IL12RB2: variants seen among roughly 807,000 people sequenced by gnomAD.
The protein encoded by IL12RB2 is interleukin-12 receptor subunit beta-2.
A neutral mutation model predicts 89.4 loss-of-function variants in IL12RB2; 82 were observed. That is an observed-to-expected ratio of 0.92 (90% CI 0.77 to 1.10). The LOEUF (loss-of-function observed/expected upper bound fraction) is 1.10. Ranked by LOEUF, IL12RB2 falls within the 50% of genes least tolerant of loss-of-function variation. The pLI is 0.00. For missense variants in IL12RB2, 963 were observed against 1,031.9 expected (o/e 0.93, Z 0.92); for synonymous variants, 368 against 370.1 (o/e 0.99, Z 0.07).
intron 10 of IL12RB2, 107 bp from the exon 11 acceptor site, chr1:67,367,718 C>G (rs1662860425): frequency 1.3e-6 from 1 of 769,602 alleles, no homozygotes; most frequent in South Asian, 1.4e-5. Context: ...TAAACAGATT[C>G]TTCCTAAAAC....
chr1:67,395,296 A>T (rs1475344611), intron 16 of IL12RB2, among the ~76,000 whole-genome samples: 1 of 151,678 alleles, frequency 6.6e-6, no homozygotes, highest in Non-Finnish European at 1.5e-5. Context: ...AAAGAAAGAA[A>T]CAGGTTGAAG....
intron 2 of IL12RB2, among the ~76,000 whole-genome samples, chr1:67,318,751 G>A (rs1656112823): frequency 6.6e-6 from 1 of 152,132 alleles, no homozygotes; most frequent in Admixed American, 6.6e-5. Context: ...CATCTAAGAG[G>A]TAATGCCAAG....
intron 3 of IL12RB2, 130 bp downstream of exon 3, chr1:67,320,574 G>A (rs756580920): frequency 3.9e-4 from 586 of 1,503,452 alleles, no homozygotes; most frequent in Non-Finnish European, 4.7e-4. Flanking sequence ...CATTTAAGTG[G>A]ATAAGTCTGG....
chr1:67,310,905 A>T (rs1388563560), intron 1 of IL12RB2, among the ~76,000 whole-genome samples: 1 of 151,998 alleles, frequency 6.6e-6, no homozygotes, highest in African/African-American at 2.4e-5. Context: ...TTGTATTTTT[A>T]GTACAGACGG....
chr1:67,372,803 G>T lies in IL12RB2; in HGVS notation c.1717+20G>T. Reference sequence around the variant, plus strand: ...TCTGTGGTATGTGTGAGAACCAAATGCAGTGAGTGGGGCCTTCTTGTTTGG... The same window carrying T: ...TCTGTGGTATGTGTGAGAACCAAATTCAGTGAGTGGGGCCTTCTTGTTTGG... On this transcript the variant is annotated intron_variant, in intron 13 of 16. Transcript: ENST00000674203. The T allele has an allele frequency of 6.4e-7, 1 of 1,554,774 alleles. No homozygotes were observed. Among genetic ancestry groups the T allele is most frequent in the Non-Finnish European group, 8.9e-7 (1 of 1,126,338 alleles).
In IL12RB2 at chr1:67,395,490, A is replaced by T. The variant is rs933208690; in HGVS notation, c.2047-57A>T. The stretch of plus-strand genomic sequence containing the variant: ...AGGCCTTTGGGAACCCTGGAGAAAT[A>T]GGTTGTGAAGGTCACTTCTACAGCA... On this transcript the variant is annotated intron_variant, in intron 16 of 16. Coordinates refer to ENST00000674203, the MANE Select transcript of IL12RB2 (RefSeq NM_001374259.2). The T allele has an allele frequency of 2.5e-6, 4 of 1,613,606 alleles. No individual in the cohort carries two copies. The Admixed American group carries it at 6.7e-5, about 27-fold the overall frequency.
Position 67,366,978 on chromosome 1 carries a change from C to T in IL12RB2, c.1259-847C>T, listed in dbSNP as rs147012312. Among the ~76,000 whole-genome samples, 627 of 152,176 alleles carry T rather than the reference C, an allele frequency of 4.1e-3. 9 individuals carry two copies. Among genetic ancestry groups the T allele is most frequent in the African/African-American group, 4.7e-3 (194 of 41,538 alleles). On this transcript the variant is annotated intron_variant, in intron 10 of 16. Transcript: ENST00000674203. ...ACATTTCATGAAAATTCAACACATA[C>T]GCACAAAATAACACTAAATTTCAAG...
chr1:67,314,194 A>G (rs1655458804), intron 2 of IL12RB2, among the ~76,000 whole-genome samples, 194 bp downstream of exon 2: 2 of 152,190 alleles, frequency 1.3e-5, no homozygotes, highest in South Asian at 2.1e-4. Flanking sequence ...AGTAGTTACT[A>G]GTAACTCGTG....
chr1:67,382,865 C>T (rs1664755526), intron 14 of IL12RB2, among the ~76,000 whole-genome samples: 1 of 152,220 alleles, frequency 6.6e-6, no homozygotes, highest in Admixed American at 6.5e-5. Flanking sequence ...GCCACCATGC[C>T]CAGCTAATCA....
intron 13 of IL12RB2, among the ~76,000 whole-genome samples, chr1:67,373,151 C>T (rs1570118338): frequency 6.6e-6 from 1 of 152,186 alleles, no homozygotes; most frequent in African/African-American, 2.4e-5. Context: ...CTCTGTTGCC[C>T]AGGCTGAGTG....
chr1:67,340,679 T>C (rs1318627398), intron 9 of IL12RB2, among the ~76,000 whole-genome samples: 2 of 152,238 alleles, frequency 1.3e-5, no homozygotes, highest in Non-Finnish European at 2.9e-5. Flanking sequence ...CTGCGTGCTT[T>C]TCACTGTAAC....
intron 10 of IL12RB2, among the ~76,000 whole-genome samples, chr1:67,351,980 G>A (rs1660900014): frequency 6.6e-6 from 1 of 152,126 alleles, no homozygotes; most frequent in Non-Finnish European, 1.5e-5. Flanking sequence ...TTAAAATTCA[G>A]TATAATAATT....
At chr1:67,339,982 T>C (rs544529155) in intron 9 of IL12RB2, among the ~76,000 whole-genome samples, 1 of 152,196 alleles carries the variant, frequency 6.6e-6, no homozygotes, top group Non-Finnish European at 1.5e-5. Flanking sequence ...CCTCTTCCAG[T>C]TGAGGATAGA....
chr1:67,323,320 C>T (rs1656833034), intron 4 of IL12RB2, among the ~76,000 whole-genome samples: 1 of 152,220 alleles, frequency 6.6e-6, no homozygotes, highest in African/African-American at 2.4e-5. Context: ...ATACTCTCAG[C>T]ATTGACAGCC....
intron 14 of IL12RB2, among the ~76,000 whole-genome samples, chr1:67,381,765 CAAAAAAA>C (rs61066016): frequency 0.2 from 25,054 of 123,668 alleles, 2,765 homozygotes; most frequent in African/African-American, 0.35. Context: ...GACTATGTTT[CAAAAAAA>C]AAAAAAAAAA....
chr1:67,363,286 G>T, intron 10 of IL12RB2, among the ~76,000 whole-genome samples: 1 of 132,992 alleles, frequency 7.5e-6, no homozygotes, highest in East Asian at 2.2e-4. Context: ...GCGTGATCTT[G>T]GCTCACCACA....
chr1:67,385,295 G>T (rs929354905), intron 14 of IL12RB2, among the ~76,000 whole-genome samples: 1 of 152,208 alleles, frequency 6.6e-6, no homozygotes, highest in African/African-American at 2.4e-5. Flanking sequence ...GGAGAGAGAA[G>T]AATGAGAGCA....
At position 67,330,678 on chromosome 1, in the gene IL12RB2, A is replaced by G; in HGVS notation, c.826A>G (p.Lys276Glu). Reference sequence around the variant, plus strand: ...TTTCAAGGTTAATGTTACAAAGGCCAAAGGAAGACATGATTTGCTGGATCT... The same window carrying G: ...TTTCAAGGTTAATGTTACAAAGGCCGAAGGAAGACATGATTTGCTGGATCT... The part of the protein sequence containing the change: ...LWNMVNVTKA[K>E]GRHDLLDLKP... The change falls in exon 8 of 17, where the codon AAA (lysine) becomes GAA (glutamate). Residue 276 changes from lysine (K) to glutamate (E), a missense_variant. Transcript: ENST00000674203. The G allele has an allele frequency of 6.5e-7, 1 of 1,549,732 alleles. No individual in the cohort carries two copies. The highest frequency in any genetic ancestry group is 1.1e-5 in the South Asian group (1 of 89,776).
intron 14 of IL12RB2, 37 bp from the exon 15 acceptor site, chr1:67,386,542 A>G (rs200593849): frequency 1.4e-6 from 2 of 1,382,748 alleles, no homozygotes; most frequent in African/African-American, 1.4e-5. Flanking sequence ...TTCATTGGTG[A>G]TAACTCACTC....
Sources: gnomAD v4.1 joint callset for allele counts (sites outside exome capture counted in the v4.1 genomes callset) on GRCh38, gnomAD v4.1.1 for gene constraint, MANE v1.5 for transcripts, NCBI Gene and HGNC (gene_info 2026-07-23, HGNC 2026-07-21) for gene names.